FHIP1A: variants seen among roughly 807,000 people sequenced by gnomAD.
FHIP1A encodes FHF complex subunit HOOK interacting protein 1A, also known as FHF complex subunit HOOK-interacting protein 1A.
In FHIP1A, 61 loss-of-function variants were observed where a neutral mutation model predicts 88.6. The ratio of observed to expected loss-of-function variants is 0.69; its 90% CI spans 0.56 to 0.85. The LOEUF is 0.85. Among genes scored for constraint, FHIP1A ranks in the 40% least tolerant of loss-of-function variants. FHIP1A has a pLI of 0.00. For missense variants in FHIP1A, 1,154 were observed against 1,273.5 expected (o/e 0.91, Z 1.43); for synonymous variants, 478 against 496.0 (o/e 0.96, Z 0.48).
chr4:151,606,036 A>G (rs917814099), intron 7 of FHIP1A, among the ~76,000 whole-genome samples: 10 of 152,234 alleles, frequency 6.6e-5, no homozygotes, highest in African/African-American at 1.9e-4. Flanking sequence ...TTAACGGGCT[A>G]TAATTGGGTG....
intron 7 of FHIP1A, among the ~76,000 whole-genome samples, chr4:151,598,042 T>TC (rs963411039): frequency 6.6e-6 from 1 of 151,960 alleles, no homozygotes; most frequent in African/African-American, 2.4e-5. Flanking sequence ...AGTGAACGGT[T>TC]CTGTCTCACT....
intron 1 of FHIP1A, among the ~76,000 whole-genome samples, chr4:151,437,775 A>G (rs1728255871): frequency 1.3e-5 from 2 of 152,318 alleles, no homozygotes; most frequent in African/African-American, 4.8e-5. Flanking sequence ...TAATACTGAG[A>G]AAGCCTATTG....
At chr4:151,649,392 A>G in intron 10 of FHIP1A, 67 bp from the exon 11 acceptor site, 1 of 1,215,800 alleles carries the variant, frequency 8.2e-7, no homozygotes, top group South Asian at 1.5e-5. Context: ...CGAATGGGTC[A>G]CAACCCCATC....
intron 1 of FHIP1A, among the ~76,000 whole-genome samples, chr4:151,424,326 G>A (rs892466169): frequency 2.0e-5 from 3 of 152,184 alleles, no homozygotes; most frequent in Admixed American, 1.3e-4. Context: ...TTTTAAAAAG[G>A]ATTCTACCAT....
intron 3 of FHIP1A, among the ~76,000 whole-genome samples, chr4:151,490,354 GCACCAGCC>G (rs1730238879): frequency 6.6e-6 from 1 of 152,122 alleles, no homozygotes; most frequent in Non-Finnish European, 1.5e-5. Flanking sequence ...ACATTCCCCA[GCACCAGCC>G]CAGAGCCTGG....
intron 13 of FHIP1A, 105 bp from the exon 14 acceptor site, chr4:151,662,396 A>C: frequency 7.9e-7 from 1 of 1,259,758 alleles, no homozygotes; most frequent in Non-Finnish European, 1.1e-6. Flanking sequence ...TGCACTCATA[A>C]CTAGATACTC....
intron 3 of FHIP1A, among the ~76,000 whole-genome samples, chr4:151,483,207 T>C (rs1441365732): frequency 3.9e-5 from 6 of 152,108 alleles, no homozygotes; most frequent in Non-Finnish European, 8.8e-5. Context: ...AATAAGTCAA[T>C]CTGTTAGTAT....
chr4:151,629,918 A>G, intron 8 of FHIP1A, 49 bp downstream of exon 8: 3 of 1,427,132 alleles, frequency 2.1e-6, no homozygotes, highest in South Asian at 1.3e-5. Context: ...AACAGATTTC[A>G]GGAGAGTTTT....
At chr4:151,603,910 C>T (rs541272335) in intron 7 of FHIP1A, among the ~76,000 whole-genome samples, 8 of 152,166 alleles carry the variant, frequency 5.3e-5, no homozygotes, top group Non-Finnish European at 1.2e-4. Flanking sequence ...CTTATGGTCT[C>T]ATTACTGCAA....
chr4:151,580,065 A>G (rs1171065574), intron 5 of FHIP1A, among the ~76,000 whole-genome samples: 2 of 152,168 alleles, frequency 1.3e-5, no homozygotes, highest in African/African-American at 2.4e-5. Context: ...CAGTTCTCCT[A>G]CTGTGCCCCA....
Position 151,667,238 on chromosome 4 carries a change from C to T in FHIP1A, c.*4484C>T, listed in dbSNP as rs1172591976. 1.3e-5 allele frequency: 2 copies of T among 152,174 alleles called. No homozygotes were observed. The highest frequency in any genetic ancestry group is 2.9e-5 in the Non-Finnish European group (2 of 68,050). 9.4% of individuals were successfully genotyped at this position (152,174 alleles called of 1,614,324 possible). The stretch of plus-strand genomic sequence containing the variant: ...AAGTCATTAGGAAGATATTCTAGGC[C>T]CCTTGTTGCTTCAGCCATCAGTCTA... On this transcript the variant is annotated 3_prime_UTR_variant, in exon 14 of 14. Coordinates refer to ENST00000435205, the MANE Select transcript of FHIP1A (RefSeq NM_001109977.3).
At chr4:151,576,481 T>C (rs576692158) in intron 4 of FHIP1A, among the ~76,000 whole-genome samples, 22 of 152,262 alleles carry the variant, frequency 1.4e-4, no homozygotes, top group Non-Finnish European at 3.1e-4. Context: ...TTTAAAGTTA[T>C]TTTGTAGAGA....
chr4:151,574,978 G>A (rs1733730277), intron 4 of FHIP1A, among the ~76,000 whole-genome samples: 1 of 151,766 alleles, frequency 6.6e-6, no homozygotes, highest in African/African-American at 2.4e-5. Context: ...TTTCCTTGGG[G>A]CATTTTCCCC....
intron 1 of FHIP1A, among the ~76,000 whole-genome samples, chr4:151,438,904 G>A (rs1728306413): frequency 6.6e-6 from 1 of 151,940 alleles, no homozygotes; most frequent in Non-Finnish European, 1.5e-5. Flanking sequence ...TCAGCCTCCG[G>A]AATTTTGTTT....
At chr4:151,544,158 A>G (rs1732399493) in intron 3 of FHIP1A, among the ~76,000 whole-genome samples, 1 of 152,212 alleles carries the variant, frequency 6.6e-6, no homozygotes, top group Non-Finnish European at 1.5e-5. Context: ...ACGGGACAAA[A>G]TCATTTACTA....
chr4:151,448,610 T>A (rs1244644788), intron 1 of FHIP1A, among the ~76,000 whole-genome samples: 1 of 152,192 alleles, frequency 6.6e-6, no homozygotes, highest in African/African-American at 2.4e-5. Flanking sequence ...TCCTCAAAGG[T>A]CATCCATGGT....
At chr4:151,659,727 G>A (rs1037920347) in intron 13 of FHIP1A, among the ~76,000 whole-genome samples, 4 of 152,218 alleles carry the variant, frequency 2.6e-5, no homozygotes, top group Non-Finnish European at 4.4e-5. Context: ...TCAGGCGTCT[G>A]TAGCCAGAGC....
At chr4:151,598,182 C>A (rs1000605869) in intron 7 of FHIP1A, among the ~76,000 whole-genome samples, 1 of 152,146 alleles carries the variant, frequency 6.6e-6, no homozygotes, top group African/African-American at 2.4e-5. Flanking sequence ...CTGAGGGAAT[C>A]TCCTGGTCTG....
intron 1 of FHIP1A, among the ~76,000 whole-genome samples, chr4:151,430,130 A>G (rs1305066547): frequency 2.6e-5 from 4 of 152,132 alleles, no homozygotes; most frequent in Non-Finnish European, 4.4e-5. Flanking sequence ...ATCTTTCACA[A>G]AGCCTCTCTT....
Sources: allele counts gnomAD v4.1 joint callset (sites outside exome capture counted in the v4.1 genomes callset), GRCh38; gene constraint gnomAD v4.1.1; transcripts MANE v1.5; gene names NCBI Gene and HGNC (gene_info 2026-07-23, HGNC 2026-07-21).